ATRNL1: variants seen among roughly 807,000 people sequenced by gnomAD.
ATRNL1 encodes attractin-like protein 1.
In ATRNL1, 95 loss-of-function variants were observed where a neutral mutation model predicts 182.7. The observed-to-expected ratio is 0.52, with a 90% confidence interval of 0.44 to 0.62. The LOEUF is 0.62. Among genes scored for constraint, ATRNL1 ranks in the 20% least tolerant of loss-of-function variants. The probability of loss-of-function intolerance (pLI) is 0.00; values close to 1 mark genes in which losing one functional copy is unlikely to be tolerated. For missense variants in ATRNL1, 1,471 were observed against 1,679.5 expected (o/e 0.88, Z 2.17); for synonymous variants, 576 against 568.3 (o/e 1.01, Z -0.19).
chr10:115,661,284 T>C (rs542038350), intron 26 of ATRNL1, among the ~76,000 whole-genome samples: 2 of 152,256 alleles, frequency 1.3e-5, no homozygotes, highest in South Asian at 2.1e-4. Flanking sequence ...ATTTTATGCA[T>C]AGAAATGTTT....
intron 26 of ATRNL1, among the ~76,000 whole-genome samples, chr10:115,715,709 G>T (rs562297272): frequency 1.9e-4 from 29 of 152,302 alleles, no homozygotes; most frequent in Non-Finnish European, 3.2e-4. Flanking sequence ...CATGAAAAAT[G>T]TATAATAAAT....
intron 10 of ATRNL1, among the ~76,000 whole-genome samples, chr10:115,263,108 T>C (rs1554909217): frequency 6.6e-6 from 1 of 151,836 alleles, no homozygotes; most frequent in African/African-American, 2.4e-5. Context: ...GCTTAATGGG[T>C]AAATATTTTG....
At chr10:115,544,656 C>T (rs1260424278) in intron 25 of ATRNL1, among the ~76,000 whole-genome samples, 2 of 152,050 alleles carry the variant, frequency 1.3e-5, no homozygotes, top group African/African-American at 4.8e-5. Flanking sequence ...AATACCAGGC[C>T]CCACCTCCAA....
intron 19 of ATRNL1, among the ~76,000 whole-genome samples, chr10:115,377,223 G>A (rs182785524): frequency 6.6e-6 from 1 of 152,238 alleles, no homozygotes; most frequent in Admixed American, 6.5e-5. Flanking sequence ...CCCAGTGGGA[G>A]ATAACTGAAT....
intron 26 of ATRNL1, among the ~76,000 whole-genome samples, chr10:115,631,401 A>G (rs1286822222): frequency 6.6e-6 from 1 of 152,118 alleles, no homozygotes; most frequent in Admixed American, 6.6e-5. Flanking sequence ...AGTTAAAAAG[A>G]GCCTTAAGAT....
At chr10:115,136,930 A>G (rs1554876820) in intron 5 of ATRNL1, among the ~76,000 whole-genome samples, 2 of 152,234 alleles carry the variant, frequency 1.3e-5, no homozygotes, top group Non-Finnish European at 2.9e-5. Flanking sequence ...AAAAGAACTG[A>G]TCTCTTAAAA....
chr10:115,900,194 C>T (rs1209906311), intron 28 of ATRNL1, among the ~76,000 whole-genome samples: 1 of 152,104 alleles, frequency 6.6e-6, no homozygotes, highest in African/African-American at 2.4e-5. Context: ...ACTGGTTGTC[C>T]ATATTTTTTT....
Position 115,127,679 on chromosome 10 carries a change from G to T in ATRNL1, c.578G>T (p.Ser193Ile). 2 of 1,569,770 alleles carry T rather than the reference G, an allele frequency of 1.3e-6. No individual in the cohort carries two copies. Among genetic ancestry groups the T allele is most frequent in the Admixed American group, 2.0e-5 (1 of 49,696 alleles). Residue 193 changes from serine (S) to isoleucine (I), a missense_variant, in exon 4 of 29, where the codon AGT becomes ATT. Ser to Ile is a moderately radical substitution (Grantham distance 142). Around this residue, in one of 3 missense-constraint regions of ATRNL1, gnomAD observed 1,031 missense variants for 1,156.0 expected, o/e 0.89. Coordinates refer to ENST00000355044, the MANE Select transcript of ATRNL1 (RefSeq NM_207303.4). ...GGCTATGCACTGTTACATTTTTTTA[G>T]TGATGCTGCGTATAATCTAACTGGT... ...TSGYALLHFF[S>I]DAAYNLTGFN... is the part of the protein sequence containing the mutation.
intron 24 of ATRNL1, among the ~76,000 whole-genome samples, chr10:115,509,779 A>T (rs1219948210): frequency 6.6e-6 from 1 of 151,946 alleles, no homozygotes; most frequent in African/African-American, 2.4e-5. Context: ...AGTAATTTTG[A>T]TTTTTTGTAC....
intron 26 of ATRNL1, among the ~76,000 whole-genome samples, chr10:115,580,468 A>T (rs1481288588): frequency 2.0e-5 from 3 of 152,074 alleles, no homozygotes; most frequent in African/African-American, 7.2e-5. Flanking sequence ...TGATAGTCTG[A>T]TGGCATTTCC....
intron 26 of ATRNL1, among the ~76,000 whole-genome samples, chr10:115,682,742 C>T (rs1290165300): frequency 1.3e-5 from 2 of 152,028 alleles, no homozygotes; most frequent in African/African-American, 2.4e-5. Flanking sequence ...CTCTTGTGCT[C>T]CCACCAGTGG....
chr10:115,548,024 G>A (rs1435857013), intron 25 of ATRNL1, among the ~76,000 whole-genome samples: 2 of 152,150 alleles, frequency 1.3e-5, no homozygotes, highest in Non-Finnish European at 1.5e-5. Flanking sequence ...TGGATAGTGG[G>A]CACACTTAGA....
intron 13 of ATRNL1, among the ~76,000 whole-genome samples, chr10:115,276,784 C>A (rs1852124518): frequency 6.6e-6 from 1 of 152,076 alleles, no homozygotes; most frequent in Admixed American, 6.6e-5. Context: ...GCCAAAAATG[C>A]CAGCTATGTT....
At chr10:115,851,255 G>A (rs1375699157) in intron 28 of ATRNL1, among the ~76,000 whole-genome samples, 2 of 152,184 alleles carry the variant, frequency 1.3e-5, no homozygotes, top group Non-Finnish European at 2.9e-5. Flanking sequence ...AGCATCCTAT[G>A]AGCATGGTGG....
intron 7 of ATRNL1, among the ~76,000 whole-genome samples, chr10:115,167,742 A>T (rs1592201596): frequency 2.6e-5 from 4 of 152,108 alleles, no homozygotes; most frequent in Admixed American, 2.6e-4. Flanking sequence ...GAAAACATAT[A>T]CCTACATTTT....
chr10:115,528,985 C>T (rs539926262), intron 25 of ATRNL1, among the ~76,000 whole-genome samples: 1 of 152,092 alleles, frequency 6.6e-6, no homozygotes, highest in South Asian at 2.1e-4. Context: ...AGATACTTTG[C>T]ACATTTATCT....
intron 27 of ATRNL1, among the ~76,000 whole-genome samples, chr10:115,817,627 T>G (rs1474514063): frequency 2.0e-5 from 3 of 152,068 alleles, no homozygotes; most frequent in Non-Finnish European, 2.9e-5. Flanking sequence ...ACCTTAGCAA[T>G]CTTAATTTTC....
chr10:115,591,693 C>A (rs1241467197), intron 26 of ATRNL1, among the ~76,000 whole-genome samples: 1 of 152,062 alleles, frequency 6.6e-6, no homozygotes, highest in Non-Finnish European at 1.5e-5. Context: ...AACTTTGGTC[C>A]AAAGAAGGTC....
chr10:115,834,429 T>C (rs1220758157), intron 27 of ATRNL1, among the ~76,000 whole-genome samples: 1 of 152,172 alleles, frequency 6.6e-6, no homozygotes, highest in Non-Finnish European at 1.5e-5. Flanking sequence ...TCCATAAGGC[T>C]CAACAACTCT....
Sources: gnomAD v4.1 joint callset for allele counts (sites outside exome capture counted in the v4.1 genomes callset) on GRCh38, gnomAD v4.1.1 for gene constraint, gnomAD v4.1.1 regional missense constraint, MANE v1.5 for transcripts, NCBI Gene and HGNC (gene_info 2026-07-23, HGNC 2026-07-21) for gene names.